The following MACROD2 variants were observed in gnomAD, a reference collection of about 807,000 sequenced individuals.
The protein encoded by MACROD2 is ADP-ribose glycohydrolase MACROD2.
MACROD2 carries 36 observed loss-of-function variants against 70.4 expected under a neutral mutation model. That is an observed-to-expected ratio of 0.51 (90% CI 0.39 to 0.68). MACROD2 has a LOEUF of 0.68. Among genes scored for constraint, MACROD2 ranks in the 30% least tolerant of loss-of-function variants. MACROD2 has a pLI of 0.00. For synonymous variants in MACROD2, 172 were observed against 178.8 expected, an observed-to-expected ratio of 0.96 and a Z score of 0.30; for missense variants, 496 against 538.4, an observed-to-expected ratio of 0.92 and a Z score of 0.78.
In MACROD2 at chr20:14,862,374, T is replaced by A. The variant is rs1425304070; in HGVS notation, c.418+177415T>A. 5.5e-3 allele frequency among the ~76,000 whole-genome samples: 58 copies of A among 10,586 alleles called. 2 individuals carry two copies. Among genetic ancestry groups the A allele is most frequent in the African/African-American group, 0.014 (29 of 2,066 alleles). The allele number at this position is 10,586 out of a possible 152,430, so 6.9% of individuals were successfully genotyped here. ...AAATATATATATAAATATATATAAA[T>A]ATATATATAAATATATATAAATATA... On this transcript the variant is annotated intron_variant, in intron 5 of 17. Coordinates refer to ENST00000684519, the MANE Select transcript of MACROD2 (RefSeq NM_001351661.2).
intron 8 of MACROD2, among the ~76,000 whole-genome samples, chr20:15,640,669 C>T (rs186749602): frequency 6.6e-6 from 1 of 152,222 alleles, no homozygotes; most frequent in South Asian, 2.1e-4. Flanking sequence ...GAAGGACCTG[C>T]AAATTATTCT....
intron 9 of MACROD2, among the ~76,000 whole-genome samples, chr20:15,863,556 C>T (rs116839474): frequency 1.6e-3 from 238 of 152,322 alleles, no homozygotes; most frequent in African/African-American, 5.6e-3. Flanking sequence ...GTCCAAAGTG[C>T]TTTCCTTAGC....
chr20:15,682,988 A>T (rs981196960), intron 8 of MACROD2, among the ~76,000 whole-genome samples: 7 of 152,210 alleles, frequency 4.6e-5, no homozygotes, highest in Admixed American at 2.6e-4. Flanking sequence ...CCTGCTAAAA[A>T]TGACCCCAGG....
At chr20:14,638,213 A>G (rs543054102) in intron 4 of MACROD2, among the ~76,000 whole-genome samples, 2 of 152,314 alleles carry the variant, frequency 1.3e-5, no homozygotes, top group East Asian at 3.9e-4. Flanking sequence ...ATAACCTTAC[A>G]GTAATCATTT....
intron 8 of MACROD2, among the ~76,000 whole-genome samples, chr20:15,790,817 A>G (rs990943311): frequency 6.6e-6 from 1 of 151,954 alleles, no homozygotes; most frequent in African/African-American, 2.4e-5. Context: ...TAATTAGTTA[A>G]TATAGAAAAG....
intron 6 of MACROD2, among the ~76,000 whole-genome samples, chr20:15,378,032 A>G (rs1274790385): frequency 6.6e-6 from 1 of 152,092 alleles, no homozygotes; most frequent in Non-Finnish European, 1.5e-5. Flanking sequence ...TAGGAGAAAC[A>G]TCTAATTAGA....
At chr20:15,691,070 G>A (rs963222268) in intron 8 of MACROD2, among the ~76,000 whole-genome samples, 1 of 152,186 alleles carries the variant, frequency 6.6e-6, no homozygotes, top group African/African-American at 2.4e-5. Context: ...GGGATTGACA[G>A]AGGGAAAGTT....
chr20:14,751,320 T>C (rs1423170091), intron 5 of MACROD2, among the ~76,000 whole-genome samples: 3 of 151,932 alleles, frequency 2.0e-5, no homozygotes, highest in Non-Finnish European at 2.9e-5. Flanking sequence ...CCTCCCTTTT[T>C]TTTTTGATCT....
chr20:15,792,231 A>G (rs6135521), intron 8 of MACROD2, among the ~76,000 whole-genome samples: 34,478 of 152,046 alleles, frequency 0.23, 3,866 homozygotes, highest in African/African-American at 0.24. Flanking sequence ...ACCAAAGTAA[A>G]TTACAGAAAG....
At chr20:14,036,450 T>A (rs920629117) in intron 2 of MACROD2, among the ~76,000 whole-genome samples, 6 of 152,196 alleles carry the variant, frequency 3.9e-5, no homozygotes, top group African/African-American at 1.4e-4. Context: ...TCAGGGTGTT[T>A]TCCGGTGGTT....
chr20:15,461,582 T>C (rs2046819087), intron 7 of MACROD2, among the ~76,000 whole-genome samples: 1 of 152,174 alleles, frequency 6.6e-6, no homozygotes, highest in Admixed American at 6.5e-5. Context: ...AGCCTATTGG[T>C]TTATTTTAAT....
At chr20:16,015,391 G>A (rs752496494) in intron 15 of MACROD2, among the ~76,000 whole-genome samples, 6 of 152,012 alleles carry the variant, frequency 3.9e-5, no homozygotes, top group African/African-American at 7.2e-5. Context: ...CCCAATTGTC[G>A]TTATTAAACT....
At chr20:15,809,719 A>G (rs2063800326) in intron 8 of MACROD2, among the ~76,000 whole-genome samples, 1 of 152,064 alleles carries the variant, frequency 6.6e-6, no homozygotes, top group Non-Finnish European at 1.5e-5. Flanking sequence ...ACCAAATTTC[A>G]ACATGAAATT....
At chr20:14,314,488 C>T (rs1053877855) in intron 3 of MACROD2, among the ~76,000 whole-genome samples, 1 of 152,110 alleles carries the variant, frequency 6.6e-6, no homozygotes, top group Non-Finnish European at 1.5e-5. Flanking sequence ...TGGCCGTGGG[C>T]GGTGGCTCAC....
intron 4 of MACROD2, among the ~76,000 whole-genome samples, chr20:14,633,696 G>A (rs867456512): frequency 6.6e-6 from 1 of 152,046 alleles, no homozygotes; most frequent in African/African-American, 2.4e-5. Context: ...TCTGACTCTC[G>A]CTTCCTTCTC....
At chr20:15,551,875 A>AAG (rs1461826400) in intron 8 of MACROD2, among the ~76,000 whole-genome samples, 1 of 151,658 alleles carries the variant, frequency 6.6e-6, no homozygotes, top group Non-Finnish European at 1.5e-5. Flanking sequence ...CCTCAAAAAA[A>AAG]AAAAAAAAAA....
Position 15,933,315 on chromosome 20 carries a change from T to C in MACROD2, c.815T>C (p.Met272Thr), listed in dbSNP as rs376699046. The C allele has an allele frequency of 5.6e-6, 9 of 1,613,356 alleles. No individual in the cohort carries two copies. The highest frequency in any genetic ancestry group is 7.6e-6 in the Non-Finnish European group (9 of 1,179,554). Residue 272 changes from methionine (M) to threonine (T), a missense_variant, in exon 11 of 18, where the codon ATG becomes ACG. Met to Thr is a moderately conservative substitution (Grantham distance 81, BLOSUM62 -1). Transcript: ENST00000684519. ...GAGGAGAAGCAAAGTGTGGAAGAAA[T>C]GGAAGAGCAGAGCCAAGATGCAGGT... ...GPEEKQSVEE[M>T]EEQSQDADGV...
At chr20:14,698,850 C>T (rs1001380846) in intron 5 of MACROD2, among the ~76,000 whole-genome samples, 11 of 150,202 alleles carry the variant, frequency 7.3e-5, no homozygotes, top group Non-Finnish European at 1.6e-4. Flanking sequence ...ACAAAGTTAT[C>T]AGAAGAACTA....
At chr20:15,037,834 A>G (rs2075325650) in intron 5 of MACROD2, among the ~76,000 whole-genome samples, 1 of 152,156 alleles carries the variant, frequency 6.6e-6, no homozygotes, top group South Asian at 2.1e-4. Flanking sequence ...ATGAATTACA[A>G]TTAGACAGGA....
Sources: allele counts gnomAD v4.1 joint callset (sites outside exome capture counted in the v4.1 genomes callset), GRCh38; gene constraint gnomAD v4.1.1; transcripts MANE v1.5; gene names NCBI Gene and HGNC (gene_info 2026-07-23, HGNC 2026-07-21).